The following FMN1 variants were observed in gnomAD, a reference collection of about 807,000 sequenced individuals.
FMN1 encodes the protein formin 1.
FMN1 carries 110 observed loss-of-function variants against 132.4 expected under a neutral mutation model. That is an observed-to-expected ratio of 0.83 (90% CI 0.71 to 0.97). The LOEUF is 0.97. Ranked by LOEUF, FMN1 falls within the 50% of genes least tolerant of loss-of-function variation. The pLI, the probability that FMN1 is intolerant of heterozygous loss-of-function variation, is 0.00. For missense variants in FMN1, 1,792 were observed against 1,705.3 expected, an observed-to-expected ratio of 1.05 and a Z score of -0.90; for synonymous variants, 722 against 651.7, an observed-to-expected ratio of 1.11 and a Z score of -1.64.
chr15:33,145,971 C>A (rs903990940), intron 4 of FMN1, among the ~76,000 whole-genome samples: 2 of 151,524 alleles, frequency 1.3e-5, no homozygotes, highest in Non-Finnish European at 2.9e-5. Flanking sequence ...AACCGTATTA[C>A]CATGAATTTT....
At chr15:33,129,999 T>C (rs1321961069) in intron 4 of FMN1, among the ~76,000 whole-genome samples, 3 of 152,128 alleles carry the variant, frequency 2.0e-5, no homozygotes, top group Non-Finnish European at 2.9e-5. Context: ...TTCACCATGT[T>C]GGCCAGGATG....
At chr15:32,873,253 A>T (rs1272544206) in intron 16 of FMN1, among the ~76,000 whole-genome samples, 1 of 152,224 alleles carries the variant, frequency 6.6e-6, no homozygotes. Context: ...TCATATAAAG[A>T]AGGCTGCATT....
chr15:32,855,675 C>T (rs2059115217), intron 17 of FMN1, among the ~76,000 whole-genome samples: 1 of 152,068 alleles, frequency 6.6e-6, no homozygotes, highest in South Asian at 2.1e-4. Flanking sequence ...AATAGAATAG[C>T]AATTAAAAAT....
intron 9 of FMN1, among the ~76,000 whole-genome samples, chr15:32,955,332 A>T (rs2061741005): frequency 6.6e-6 from 1 of 152,252 alleles, no homozygotes; most frequent in African/African-American, 2.4e-5. Flanking sequence ...ACTATCACAT[A>T]CATGGGAGAT....
At chr15:33,009,540 A>T (rs1199553773) in intron 6 of FMN1, among the ~76,000 whole-genome samples, 2 of 152,288 alleles carry the variant, frequency 1.3e-5, no homozygotes, top group East Asian at 3.9e-4. Context: ...GAACTTGTCA[A>T]ATTATTTTCT....
Position 32,870,858 on chromosome 15 carries a change from G to T in FMN1, c.3836-13751C>A, listed in dbSNP as rs1157446851. 2.0e-5 allele frequency among the ~76,000 whole-genome samples: 3 copies of T among 152,240 alleles called. No individual in the cohort carries two copies. The East Asian group carries it at 5.8e-4, about 29-fold the overall frequency. On this transcript the variant is annotated intron_variant, in intron 16 of 20. Transcript: ENST00000616417. ...GAAGCCTTCCCTTGAATTAAAGATG[G>T]TAACTCCAGAAATTTCATTAGAAAT... is the stretch of plus-strand genomic sequence containing the variant.
intron 13 of FMN1, among the ~76,000 whole-genome samples, chr15:32,901,208 C>T (rs1337128859): frequency 5.3e-5 from 8 of 152,152 alleles, no homozygotes; most frequent in Non-Finnish European, 1.2e-4. Flanking sequence ...AGGCAGACTT[C>T]TTTTTCTGCT....
At chr15:32,900,316 T>G (rs2060265108) in intron 13 of FMN1, 191 bp from the exon 14 acceptor site, 8 of 706,798 alleles carry the variant, frequency 1.1e-5, no homozygotes, top group Non-Finnish European at 1.8e-5. Context: ...ACAGCCATTA[T>G]TTTCTACCCA....
At chr15:33,018,200 T>G (rs1000339114) in intron 6 of FMN1, among the ~76,000 whole-genome samples, 1 of 152,206 alleles carries the variant, frequency 6.6e-6, no homozygotes, top group Non-Finnish European at 1.5e-5. Flanking sequence ...TGTGTGATAC[T>G]GCAAAATATG....
At chr15:32,789,763 C>T (rs1309008411) in intron 19 of FMN1, among the ~76,000 whole-genome samples, 2 of 152,192 alleles carry the variant, frequency 1.3e-5, no homozygotes, top group Non-Finnish European at 2.9e-5. Flanking sequence ...AAGCGCCCTA[C>T]ACAGGTGTAC....
intron 7 of FMN1, among the ~76,000 whole-genome samples, chr15:32,974,792 C>T (rs1399072486): frequency 9.2e-6 from 1 of 108,560 alleles, no homozygotes; most frequent in South Asian, 3.5e-4. Flanking sequence ...TTGGCAATGA[C>T]TTTCACTTAG....
intron 10 of FMN1, among the ~76,000 whole-genome samples, chr15:32,916,100 A>T (rs764768759): frequency 6.6e-5 from 10 of 152,222 alleles, no homozygotes; most frequent in Non-Finnish European, 1.3e-4. Flanking sequence ...AATAACCGTC[A>T]GCAGGGACAA....
chr15:32,814,640 A>G (rs1188765340), intron 17 of FMN1, among the ~76,000 whole-genome samples: 1 of 152,220 alleles, frequency 6.6e-6, no homozygotes, highest in Non-Finnish European at 1.5e-5. Context: ...AAGGCTCTGG[A>G]TAACCATTTG....
chr15:32,946,968 G>A (rs2061524361), intron 9 of FMN1, among the ~76,000 whole-genome samples: 1 of 152,108 alleles, frequency 6.6e-6, no homozygotes, highest in African/African-American at 2.4e-5. Context: ...TGAGCTATAT[G>A]TATTACAAAT....
chr15:33,118,175 A>G (rs1347562258), intron 4 of FMN1, among the ~76,000 whole-genome samples: 1 of 152,206 alleles, frequency 6.6e-6, no homozygotes, highest in Non-Finnish European at 1.5e-5. Flanking sequence ...AAACTTATAT[A>G]ATTCACTGCC....
At chr15:33,068,981 C>T (rs772731756) in intron 5 of FMN1, among the ~76,000 whole-genome samples, 3 of 152,218 alleles carry the variant, frequency 2.0e-5, no homozygotes, top group Non-Finnish European at 4.4e-5. Context: ...TTTGGTGTCC[C>T]AGCCAACTAA....
chr15:33,081,494 A>T (rs575393098), intron 5 of FMN1, among the ~76,000 whole-genome samples: 4 of 152,240 alleles, frequency 2.6e-5, no homozygotes, highest in African/African-American at 9.6e-5. Flanking sequence ...GTAGCTGCAG[A>T]ATTTTTACTG....
intron 3 of FMN1, among the ~76,000 whole-genome samples, chr15:33,161,694 G>A (rs1019340964): frequency 1.4e-4 from 22 of 152,160 alleles, no homozygotes; most frequent in Admixed American, 2.6e-4. Context: ...TGAGGCGGGC[G>A]GATCACAAGG....
chr15:33,084,370 G>A (rs762701262), intron 5 of FMN1, among the ~76,000 whole-genome samples: 2 of 152,176 alleles, frequency 1.3e-5, no homozygotes, highest in African/African-American at 4.8e-5. Flanking sequence ...GGGGGTCATA[G>A]GAACCTATTT....
Sources: gnomAD v4.1 joint callset for allele counts (sites outside exome capture counted in the v4.1 genomes callset) on GRCh38, gnomAD v4.1.1 for gene constraint, MANE v1.5 for transcripts, NCBI Gene and HGNC (gene_info 2026-07-23, HGNC 2026-07-21) for gene names.